Variants in GRIA3 observed in about 807,000 individuals in gnomAD.
GRIA3 encodes the protein glutamate receptor 3.
In GRIA3, 3 loss-of-function variants were observed where a neutral mutation model predicts 63.0. That is an observed-to-expected ratio of 0.05 (90% confidence interval 0.02 to 0.12). The LOEUF (loss-of-function observed/expected upper bound fraction) is 0.12. Among genes scored for constraint, GRIA3 ranks in the 10% least tolerant of loss-of-function variants. The probability of loss-of-function intolerance (pLI) is 1.00; values close to 1 mark genes in which losing one functional copy is unlikely to be tolerated. For missense variants in GRIA3, 347 were observed against 700.9 expected, an observed-to-expected ratio of 0.50 and a Z score of 5.70; for synonymous variants, 274 against 257.9, an observed-to-expected ratio of 1.06 and a Z score of -0.60.
chrX:123,208,990 C>T (rs1043249124), intron 2 of GRIA3, among the ~76,000 whole-genome samples: 14 of 112,072 alleles, frequency 1.2e-4, no homozygotes, highest in Non-Finnish European at 7.5e-5. Flanking sequence ...TATAGCAGAT[C>T]CTATCATGAG....
chrX:123,275,682 C>T (rs2044550503), intron 3 of GRIA3, among the ~76,000 whole-genome samples: 1 of 112,132 alleles, frequency 8.9e-6, no homozygotes, highest in Non-Finnish European at 1.9e-5. Context: ...GTGTGAATTA[C>T]ACGGACACTT....
intron 2 of GRIA3, among the ~76,000 whole-genome samples, chrX:123,200,830 T>G (rs1927718334): frequency 9.0e-6 from 1 of 111,326 alleles, no homozygotes; most frequent in South Asian, 3.8e-4. Flanking sequence ...CTCCACCGGG[T>G]AGGGCAACCA....
intron 12 of GRIA3, among the ~76,000 whole-genome samples, chrX:123,464,073 G>A (rs1183876086): frequency 9.1e-6 from 1 of 110,231 alleles, no homozygotes; most frequent in African/African-American, 3.3e-5. Context: ...ATGAGAAGGG[G>A]ACATAATAAA....
intron 3 of GRIA3, among the ~76,000 whole-genome samples, chrX:123,313,227 A>G (rs776927368): frequency 2.7e-5 from 3 of 111,769 alleles, no homozygotes; most frequent in Non-Finnish European, 5.6e-5. Flanking sequence ...ATGGCACATG[A>G]AAATACTTAT....
chrX:123,283,564 G>A lies in GRIA3; in HGVS notation c.508+30022G>A, dbSNP rs1196839230. Among the ~76,000 whole-genome samples the A allele has an allele frequency of 4.5e-5, 5 of 111,019 alleles. No homozygotes were observed. The East Asian group carries it at 1.4e-3, about 32-fold the overall frequency. On this transcript the variant is annotated intron_variant, in intron 3 of 15. Coordinates refer to ENST00000620443, the MANE Select transcript of GRIA3 (RefSeq NM_007325.5). ...AGATGCTGGAGCTTGGTGGGGGGAG[G>A]GGCGTCCACCATTACCGAGACTTGA...
Position 123,431,027 on chromosome X carries a change from T to TACACACACACACACAC in GRIA3, c.2076+2902_2076+2917dup, listed in dbSNP as rs3050442. Reference sequence around the variant, plus strand: ...ACAAAACAAAAAACAGTAACTCACATACACACACACACACACACACACACA... The same window carrying TACACACACACACACAC: ...ACAAAACAAAAAACAGTAACTCACATACACACACACACACACACACACACACACACACACACACACA... On this transcript the variant is annotated intron_variant, in intron 12 of 15. Transcript: ENST00000620443. Among the ~76,000 whole-genome samples the TACACACACACACACAC allele has an allele frequency of 2.7e-3, 273 of 99,482 alleles. 1 individual carries two copies. The highest frequency in any genetic ancestry group is 7.3e-3 in the African/African-American group (196 of 26,946). 86.4% of individuals were successfully genotyped at this position (99,482 alleles called of 115,157 possible). A position where few individuals can be genotyped will look rare whatever the true frequency, so the allele number is the denominator to read the frequency against.
intron 2 of GRIA3, among the ~76,000 whole-genome samples, chrX:123,250,184 C>T (rs1431571180): frequency 2.7e-5 from 3 of 111,122 alleles, no homozygotes; most frequent in Admixed American, 9.6e-5. Context: ...AGGAGGACCA[C>T]ATAGATAAAA....
intron 2 of GRIA3, among the ~76,000 whole-genome samples, chrX:123,199,889 T>C (rs895112012): frequency 1.8e-5 from 2 of 111,883 alleles, no homozygotes; most frequent in Non-Finnish European, 3.8e-5. Flanking sequence ...TTACAGATCA[T>C]AGACCGTTGG....
chrX:123,440,637 T>C (rs990750154), intron 12 of GRIA3, among the ~76,000 whole-genome samples: 1 of 112,726 alleles, frequency 8.9e-6, no homozygotes, highest in African/African-American at 3.2e-5. Flanking sequence ...CACTTTTTAA[T>C]AGGGTTATTT....
rs745976621 is a variant in GRIA3, at chrX:123,256,791, AAAAG to A, written c.508+3252_508+3255del. Among the ~76,000 whole-genome samples, 574 of 112,164 alleles carry A rather than the reference AAAAG, an allele frequency of 5.1e-3. 1 individual carries two copies. Among genetic ancestry groups the A allele is most frequent in the Non-Finnish European group, 8.1e-3 (431 of 53,199 alleles). ...AGAGAATGGAGTGTGGTGCAAGTAA[AAAAG>A]AAGGGAAACCAATTGAAAGTCCATT... is the stretch of plus-strand genomic sequence containing the variant. On this transcript the variant is annotated intron_variant, in intron 3 of 15. Coordinates refer to ENST00000620443, the MANE Select transcript of GRIA3 (RefSeq NM_007325.5).
chrX:123,256,066 T>C (rs1193610622), intron 3 of GRIA3, among the ~76,000 whole-genome samples: 2 of 111,637 alleles, frequency 1.8e-5, no homozygotes, highest in African/African-American at 3.3e-5. Context: ...ACCAGAACCA[T>C]GCCTGCCTCA....
chrX:123,218,250 T>C (rs1350997272), intron 2 of GRIA3, among the ~76,000 whole-genome samples: 1 of 111,318 alleles, frequency 9.0e-6, no homozygotes, highest in East Asian at 2.8e-4. Context: ...TTTTCTGAGA[T>C]GACTGAGGAT....
intron 13 of GRIA3, among the ~76,000 whole-genome samples, chrX:123,476,616 T>C (rs932808174): frequency 4.5e-5 from 5 of 111,792 alleles, no homozygotes; most frequent in Non-Finnish European, 7.5e-5. Flanking sequence ...ATTACAGCTT[T>C]TATGTTTGTT....
intron 13 of GRIA3, among the ~76,000 whole-genome samples, chrX:123,466,221 T>C (rs1005422800): frequency 9.0e-6 from 1 of 110,977 alleles, no homozygotes; most frequent in African/African-American, 3.3e-5. Context: ...CTCACAGAGG[T>C]TGGTTGGTTG....
intron 3 of GRIA3, among the ~76,000 whole-genome samples, chrX:123,285,577 C>CAAAAAAAAAAAAAA (rs59101106): frequency 0.021 from 212 of 10,138 alleles, no homozygotes; most frequent in Middle Eastern, 0.12. Flanking sequence ...AAATGAAAAG[C>CAAAAAAAAAAAAAA]AAAAAAAAAA....
chrX:123,397,300 A>C (rs1408563249), intron 6 of GRIA3, among the ~76,000 whole-genome samples: 1 of 112,404 alleles, frequency 8.9e-6, no homozygotes, highest in Non-Finnish European at 1.9e-5. Context: ...CACTTTAAAA[A>C]TTGATGTATA....
At chrX:123,296,395 C>G (rs1603076611) in intron 3 of GRIA3, among the ~76,000 whole-genome samples, 1 of 110,869 alleles carries the variant, frequency 9.0e-6, no homozygotes, top group Non-Finnish European at 1.9e-5. Flanking sequence ...ATGAATCAAA[C>G]TTGTTCTTCT....
intron 3 of GRIA3, among the ~76,000 whole-genome samples, chrX:123,316,424 C>A (rs1417441309): frequency 1.8e-5 from 2 of 112,362 alleles, no homozygotes; most frequent in African/African-American, 6.5e-5. Context: ...ACTCTCATAA[C>A]CTGCTAATGG....
At chrX:123,329,523 A>G (rs2044926967) in intron 4 of GRIA3, among the ~76,000 whole-genome samples, 2 of 111,896 alleles carry the variant, frequency 1.8e-5, no homozygotes, top group African/African-American at 6.5e-5. Flanking sequence ...GAAAAATTCA[A>G]TTAGGTATCA....
Sources: gnomAD v4.1 joint callset for allele counts (sites outside exome capture counted in the v4.1 genomes callset) on GRCh38, gnomAD v4.1.1 for gene constraint, MANE v1.5 for transcripts, NCBI Gene and HGNC (gene_info 2026-07-23, HGNC 2026-07-21) for gene names.